Variants in CACNA1D observed in about 807,000 individuals in gnomAD.
CACNA1D encodes the protein calcium voltage-gated channel subunit alpha1 D.
CACNA1D carries 55 observed loss-of-function variants against 257.1 expected under a neutral mutation model. The observed-to-expected ratio is 0.21, with a 90% confidence interval of 0.17 to 0.27. The LOEUF is 0.27. Among genes scored for constraint, CACNA1D ranks in the 10% least tolerant of loss-of-function variants. The pLI is 1.00. For synonymous variants in CACNA1D, 980 were observed against 1,014.9 expected, an observed-to-expected ratio of 0.97 and a Z score of 0.65; for missense variants, 1,876 against 2,784.0, an observed-to-expected ratio of 0.67 and a Z score of 7.34.
At chr3:53,687,995 T>A (rs903480240) in intron 8 of CACNA1D, among the ~76,000 whole-genome samples, 1 of 152,218 alleles carries the variant, frequency 6.6e-6, no homozygotes, top group Non-Finnish European at 1.5e-5. Context: ...AAACATAAAA[T>A]GATACAACTA....
chr3:53,642,044 T>G (rs2093958789), intron 3 of CACNA1D, among the ~76,000 whole-genome samples: 1 of 152,168 alleles, frequency 6.6e-6, no homozygotes, highest in African/African-American at 2.4e-5. Context: ...TAGCTTAATT[T>G]GGTGGCTTTT....
At chr3:53,595,119 T>C (rs1173663810) in intron 3 of CACNA1D, among the ~76,000 whole-genome samples, 1 of 152,260 alleles carries the variant, frequency 6.6e-6, no homozygotes, top group East Asian at 1.9e-4. Context: ...GTTTAGCTAT[T>C]AAAATGGTGC....
At chr3:53,522,532 C>T (rs1316041624) in intron 3 of CACNA1D, among the ~76,000 whole-genome samples, 1 of 152,208 alleles carries the variant, frequency 6.6e-6, no homozygotes, top group African/African-American at 2.4e-5. Flanking sequence ...AAGATGCTTG[C>T]AAGAAGTGTG....
intron 3 of CACNA1D, among the ~76,000 whole-genome samples, chr3:53,502,060 T>C (rs2090627700): frequency 6.6e-6 from 1 of 151,782 alleles, no homozygotes. Flanking sequence ...TTCTTTTTTT[T>C]TTTTTGTTTT....
chr3:53,759,414 G>A (rs895865005), intron 29 of CACNA1D, among the ~76,000 whole-genome samples: 1 of 152,216 alleles, frequency 6.6e-6, no homozygotes, highest in Admixed American at 6.5e-5. Context: ...TGGCCTTTGG[G>A]AAATGACATA....
chr3:53,509,276 C>CCT (rs143200622), intron 3 of CACNA1D, among the ~76,000 whole-genome samples: 6,978 of 146,076 alleles, frequency 0.048, 198 homozygotes, highest in African/African-American at 0.069. Flanking sequence ...TCCACAGCCC[C>CCT]CTCTGTGTGT....
rs1222333688 is a variant in CACNA1D at position 53,641,002 on chromosome 3, G to C, written c.484-9777G>C. Among the ~76,000 whole-genome samples, 4 of 152,220 alleles carry C rather than the reference G, an allele frequency of 2.6e-5. No individual in the cohort carries two copies. In the East Asian group the frequency reaches 7.7e-4, roughly 29 times the overall value. Reference sequence around the variant, plus strand: ...TAGTCTTCCCTTAAAGGGTGAAGCAGGATTTAGACAAACAGGAGTGCTTTC... The same window carrying C: ...TAGTCTTCCCTTAAAGGGTGAAGCACGATTTAGACAAACAGGAGTGCTTTC... On this transcript the variant is annotated intron_variant, in intron 3 of 47. Coordinates refer to ENST00000350061, the MANE Select transcript of CACNA1D (RefSeq NM_001128840.3).
intron 14 of CACNA1D, among the ~76,000 whole-genome samples, chr3:53,726,616 A>G (rs562920489): frequency 2.8e-4 from 42 of 152,308 alleles, no homozygotes; most frequent in African/African-American, 1.0e-3. Flanking sequence ...CAGCCTGGCA[A>G]TAGAGCGAGA....
intron 2 of CACNA1D, among the ~76,000 whole-genome samples, chr3:53,500,756 A>G (rs993089652): frequency 9.2e-5 from 14 of 152,210 alleles, no homozygotes; most frequent in African/African-American, 3.4e-4. Context: ...GCCAGTTTTG[A>G]CAATGTCTCT....
chr3:53,657,890 G>C (rs2094163994), intron 4 of CACNA1D, among the ~76,000 whole-genome samples: 1 of 152,224 alleles, frequency 6.6e-6, no homozygotes, highest in Non-Finnish European at 1.5e-5. Flanking sequence ...ACCACAAGAG[G>C]ACTCAGTGTG....
At chr3:53,781,372 T>G (rs2095424493) in intron 38 of CACNA1D, among the ~76,000 whole-genome samples, 194 bp from the exon 39 acceptor site, 1 of 152,132 alleles carries the variant, frequency 6.6e-6, no homozygotes, top group South Asian at 2.1e-4. Flanking sequence ...GACTTCCCAC[T>G]GGGAAGGCAT....
chr3:53,736,619 T>C (rs2095059736), intron 20 of CACNA1D, among the ~76,000 whole-genome samples: 1 of 152,142 alleles, frequency 6.6e-6, no homozygotes, highest in Non-Finnish European at 1.5e-5. Context: ...TGGCTGGGCG[T>C]GGTGGCTTAT....
intron 11 of CACNA1D, 57 bp from the exon 12 acceptor site, chr3:53,722,257 T>G: frequency 6.3e-7 from 1 of 1,592,646 alleles, no homozygotes; most frequent in Non-Finnish European, 8.6e-7. Context: ...ATCATATTTA[T>G]TGGATACTCA....
chr3:53,517,962 A>G (rs577716352), intron 3 of CACNA1D, among the ~76,000 whole-genome samples: 1 of 152,376 alleles, frequency 6.6e-6, no homozygotes, highest in South Asian at 2.1e-4. Flanking sequence ...TGTGAGCTTA[A>G]TATGTGAATT....
intron 3 of CACNA1D, among the ~76,000 whole-genome samples, chr3:53,589,202 A>G (rs575270428): frequency 6.6e-6 from 1 of 152,358 alleles, no homozygotes; most frequent in South Asian, 2.1e-4. Context: ...CATAACTTAC[A>G]AACTAAGAGG....
chr3:53,538,943 A>C (rs78830354), intron 3 of CACNA1D, among the ~76,000 whole-genome samples: 1 of 152,270 alleles, frequency 6.6e-6, no homozygotes, highest in African/African-American at 2.4e-5. Flanking sequence ...CTTTCTGAAC[A>C]CAGTCTTCTC....
In CACNA1D at chr3:53,799,638, C is replaced by T. The variant is rs564764639; in HGVS notation, c.4924-611C>T. Reference sequence around the variant, plus strand: ...ACAGGCCAGGGTATCCTGATGACCACGGTGGCCGGGTCGGTGTGCGTGTCA... The same window carrying T: ...ACAGGCCAGGGTATCCTGATGACCATGGTGGCCGGGTCGGTGTGCGTGTCA... On this transcript the variant is annotated intron_variant, in intron 40 of 47. Transcript: ENST00000350061. Among the ~76,000 whole-genome samples the T allele has an allele frequency of 4.6e-5, 7 of 152,350 alleles. 2 individuals are homozygous for T. The highest frequency in any genetic ancestry group is 2.1e-4 in the South Asian group (1 of 4,828).
chr3:53,762,679 A>T (rs17252742), intron 30 of CACNA1D: 12 of 455,962 alleles, frequency 2.6e-5, no homozygotes, highest in African/African-American at 2.4e-4. Context: ...GTTTTCATTA[A>T]GTCTGACATA....
At chr3:53,705,055 G>GA (rs1381085013) in intron 9 of CACNA1D, among the ~76,000 whole-genome samples, 3 of 152,218 alleles carry the variant, frequency 2.0e-5, no homozygotes, top group African/African-American at 7.2e-5. Flanking sequence ...ACCTGATGAT[G>GA]ACAGAAATCA....
Sources: allele counts gnomAD v4.1 joint callset (sites outside exome capture counted in the v4.1 genomes callset), GRCh38; gene constraint gnomAD v4.1.1; transcripts MANE v1.5; gene names NCBI Gene and HGNC (gene_info 2026-07-23, HGNC 2026-07-21).